ZNG1A: variants seen among roughly 807,000 people sequenced by gnomAD.
The protein encoded by ZNG1A is Zn regulated GTPase metalloprotein activator 1A.
At chr9:151,011 A>C in the ZNG1A span, 1 of 985,130 alleles carries the variant, frequency 1.0e-6, no homozygotes, top group Non-Finnish European at 1.2e-6. Flanking sequence ...GTAGAACACT[A>C]ACAGGAAGAG....
At chr9:160,556 G>A in the ZNG1A span, among the ~76,000 whole-genome samples, 1 of 150,920 alleles carries the variant, frequency 6.6e-6, no homozygotes. Context: ...GGTAGCAGGA[G>A]GTTAAACGTT....
At chr9:139,054 T>C in the ZNG1A span, among the ~76,000 whole-genome samples, 2 of 149,056 alleles carry the variant, frequency 1.3e-5, 1 homozygote, top group Admixed American at 1.3e-4. Flanking sequence ...TCTATGGACA[T>C]ATACGAGACT....
At chr9:156,233 G>T in the ZNG1A span, among the ~76,000 whole-genome samples, 4 of 149,426 alleles carry the variant, frequency 2.7e-5, no homozygotes, top group South Asian at 8.4e-4. Flanking sequence ...AATATTTCCC[G>T]AGTTCCTCAA....
At chr9:140,597 A>C in the ZNG1A span, among the ~76,000 whole-genome samples, 2 of 151,840 alleles carry the variant, frequency 1.3e-5, no homozygotes, top group Non-Finnish European at 2.9e-5. Flanking sequence ...AACTCTAAAA[A>C]GCAGAGCGCC....
At chr9:178,422 T>A in the ZNG1A span, among the ~76,000 whole-genome samples, 1 of 143,786 alleles carries the variant, frequency 7.0e-6, no homozygotes, top group East Asian at 2.0e-4. Context: ...GGACATCCTT[T>A]AATGGCAACA....
At chr9:175,112 C>A in the ZNG1A span, among the ~76,000 whole-genome samples, 1 of 152,194 alleles carries the variant, frequency 6.6e-6, no homozygotes, top group Non-Finnish European at 1.5e-5. Flanking sequence ...GGCATGGTGC[C>A]TCATGCCTGT....
the ZNG1A span, chr9:146,920 A>T: frequency 6.6e-6 from 1 of 152,312 alleles, no homozygotes; most frequent in African/African-American, 2.4e-5. Flanking sequence ...TCATGCCTGC[A>T]ATCCCAGCAC....
chr9:154,347 C>G, the ZNG1A span: 1 of 369,918 alleles, frequency 2.7e-6, no homozygotes, highest in East Asian at 4.2e-5. Flanking sequence ...GAATACATTA[C>G]GAGTAAAGAC....
the ZNG1A span, among the ~76,000 whole-genome samples, chr9:140,884 C>T: frequency 4.2e-5 from 6 of 143,674 alleles, no homozygotes; most frequent in South Asian, 2.4e-4. Flanking sequence ...TCGAGAACTA[C>T]GTGAAGAATG....
At chr9:171,505 A>G in the ZNG1A span, 3 of 152,500 alleles carry the variant, frequency 2.0e-5, no homozygotes, top group Non-Finnish European at 4.4e-5. Flanking sequence ...AAACAGGTTG[A>G]CTCTGTGTAG....
chr9:138,189 T>C, the ZNG1A span, among the ~76,000 whole-genome samples: 8 of 152,026 alleles, frequency 5.3e-5, no homozygotes, highest in African/African-American at 1.9e-4. Context: ...GTAATTTGTT[T>C]AGTCTAAAAA....
the ZNG1A span, chr9:179,015 A>C: frequency 1.1e-6 from 1 of 936,862 alleles, no homozygotes; most frequent in Admixed American, 2.4e-5. Context: ...GCTGGGACCA[A>C]CACGCCGTAC....
the ZNG1A span, among the ~76,000 whole-genome samples, chr9:176,711 C>G: frequency 7.2e-5 from 11 of 151,752 alleles, no homozygotes; most frequent in Non-Finnish European, 1.3e-4. Context: ...ATCTTAAAAC[C>G]AGTCCAAGCC....
chr9:160,174 G>A, the ZNG1A span: 1 of 454,498 alleles, frequency 2.2e-6, no homozygotes, highest in Non-Finnish European at 4.4e-6. Flanking sequence ...CACATCAATG[G>A]GTGACAATCC....
At chr9:148,642 A>T in the ZNG1A span, 132 of 131,070 alleles carry the variant, frequency 1.0e-3, no homozygotes, top group African/African-American at 3.7e-3. Context: ...AAGAGAATGA[A>T]GTAAACAAAA....
the ZNG1A span, chr9:151,350 G>A: frequency 4.3e-5 from 42 of 979,242 alleles, no homozygotes; most frequent in African/African-American, 7.3e-4. Flanking sequence ...CTCCAGTAGA[G>A]ACTGAGTGGA....
chr9:141,443 G>C, the ZNG1A span, among the ~76,000 whole-genome samples: 20 of 150,146 alleles, frequency 1.3e-4, no homozygotes, highest in African/African-American at 4.7e-4. Context: ...GCCAAACTAA[G>C]CTTCATAAGT....
the ZNG1A span, among the ~76,000 whole-genome samples, chr9:126,860 G>C: frequency 1.3e-5 from 2 of 151,982 alleles, no homozygotes; most frequent in Non-Finnish European, 2.9e-5. Flanking sequence ...CCTCTGCTGT[G>C]TCCCAGAGGC....
the ZNG1A span, chr9:159,876 A>G: frequency 2.9e-6 from 1 of 350,606 alleles, no homozygotes; most frequent in Non-Finnish European, 5.6e-6. Flanking sequence ...GTTTTTAAAA[A>G]ATTATTGCAT....
Sources: allele counts gnomAD v4.1 joint callset (sites outside exome capture counted in the v4.1 genomes callset), GRCh38; gene constraint gnomAD v4.1.1; transcripts MANE v1.5; gene names NCBI Gene and HGNC (gene_info 2026-07-23, HGNC 2026-07-21).